The following CELF2 variants were observed in gnomAD, a reference collection of about 807,000 sequenced individuals.
CELF2 encodes CUGBP Elav-like family member 2.
CELF2 carries 8 observed loss-of-function variants against 62.6 expected under a neutral mutation model. That is an observed-to-expected ratio of 0.13 (90% CI 0.07 to 0.23). CELF2 has a LOEUF of 0.23. CELF2 is among the 10% of genes least tolerant of loss of function. The pLI, the probability that CELF2 is intolerant of heterozygous loss-of-function variation, is 1.00. For missense variants in CELF2, 333 were observed against 671.0 expected, an observed-to-expected ratio of 0.50 and a Z score of 5.56; for synonymous variants, 258 against 250.0, an observed-to-expected ratio of 1.03 and a Z score of -0.30.
intron 1 of CELF2, among the ~76,000 whole-genome samples, chr10:10,854,169 G>A (rs2059566253): frequency 6.6e-6 from 1 of 152,162 alleles, no homozygotes; most frequent in South Asian, 2.1e-4. Context: ...GGACACTCAT[G>A]AGGACTCTGT....
At chr10:10,800,550 A>C (rs2054558668) in intron 1 of CELF2, among the ~76,000 whole-genome samples, 1 of 152,094 alleles carries the variant, frequency 6.6e-6, no homozygotes, top group African/African-American at 2.4e-5. Flanking sequence ...ACAGAGTTTC[A>C]CCATGTTTCC....
chr10:11,252,293 C>G (rs976967792), intron 4 of CELF2, among the ~76,000 whole-genome samples: 5 of 152,220 alleles, frequency 3.3e-5, no homozygotes, highest in African/African-American at 1.2e-4. Flanking sequence ...CTCAGTTGCT[C>G]TAAATAGCTC....
Position 11,197,052 on chromosome 10 carries a change from A to AAAGAAAGAAAGAAAGAAG in CELF2, c.272-20373_272-20372insAAGAAAGAAAGAAAGAAG, listed in dbSNP as rs2058018344. 9.5e-5 allele frequency among the ~76,000 whole-genome samples: 3 copies of AAAGAAAGAAAGAAAGAAG among 31,620 alleles called. 1 individual carries two copies. The highest frequency in any genetic ancestry group is 5.3e-4 in the Admixed American group (2 of 3,750). The allele number at this position is 31,620 out of a possible 152,430, so 20.7% of individuals were successfully genotyped here. ...AAGAAAGAAAGAAAGAAAGAAAGAA[A>AAAGAAAGAAAGAAAGAAG]GAAAGAAAAGAAAGAAAGGAAAGAA... On this transcript the variant is annotated intron_variant, in intron 2 of 12. Transcript: ENST00000633077.
At chr10:10,766,761 A>G in the CELF2 span, among the ~76,000 whole-genome samples, 1 of 152,060 alleles carries the variant, frequency 6.6e-6, no homozygotes, top group Non-Finnish European at 1.5e-5. Context: ...ACAGAATGAG[A>G]CCCCTGCCCC....
intron 1 of CELF2, among the ~76,000 whole-genome samples, chr10:11,086,220 C>T (rs1462540197): frequency 6.6e-6 from 1 of 152,142 alleles, no homozygotes; most frequent in Non-Finnish European, 1.5e-5. Context: ...TATAGGGCAG[C>T]TCCACTGAGG....
At chr10:11,041,857 A>T (rs1029938725) in intron 1 of CELF2, among the ~76,000 whole-genome samples, 1 of 152,222 alleles carries the variant, frequency 6.6e-6, no homozygotes, top group African/African-American at 2.4e-5. Flanking sequence ...TATATATACG[A>T]AAGAATTGTC....
At chr10:10,593,820 C>T in the CELF2 span, among the ~76,000 whole-genome samples, 1 of 152,222 alleles carries the variant, frequency 6.6e-6, no homozygotes, top group Non-Finnish European at 1.5e-5. Flanking sequence ...ACATTCCACA[C>T]ATGAGACTTT....
the CELF2 span, among the ~76,000 whole-genome samples, chr10:10,702,949 A>T: frequency 1.3e-5 from 2 of 152,096 alleles, no homozygotes; most frequent in African/African-American, 4.8e-5. Flanking sequence ...TTCCCCCTAA[A>T]TAGCTACAAA....
At chr10:10,874,683 G>T (rs2133478843) in intron 1 of CELF2, among the ~76,000 whole-genome samples, 1 of 152,192 alleles carries the variant, frequency 6.6e-6, no homozygotes, top group Middle Eastern at 3.4e-3. Context: ...TTACCTAATG[G>T]GAAGTCGTGA....
chr10:10,956,213 C>G (rs2048877460), intron 2 of CELF2, among the ~76,000 whole-genome samples: 1 of 152,058 alleles, frequency 6.6e-6, no homozygotes, highest in East Asian at 1.9e-4. Flanking sequence ...TTTATTGCTG[C>G]CACAAAACTA....
At chr10:10,536,221 T>C in the CELF2 span, among the ~76,000 whole-genome samples, 1 of 152,130 alleles carries the variant, frequency 6.6e-6, no homozygotes, top group East Asian at 1.9e-4. Flanking sequence ...GGTTTCATCA[T>C]GTTGGTCAGG....
Position 11,149,568 on chromosome 10 carries a change from C to A in CELF2, c.75-15918C>A, listed in dbSNP as rs568065357. ...TTCCAGAAGCAGTGTACTAAGTAAA[C>A]CCGAGGCTTTGCGCCTTGTGAGGGT... On this transcript the variant is annotated intron_variant, in intron 1 of 12. Transcript: ENST00000633077. Among the ~76,000 whole-genome samples, 4 of 152,256 alleles carry A rather than the reference C, an allele frequency of 2.6e-5. No homozygotes were observed. In the East Asian group the frequency reaches 7.7e-4, roughly 29 times the overall value.
At chr10:10,908,441 C>T (rs767266948) in intron 1 of CELF2, among the ~76,000 whole-genome samples, 7 of 151,480 alleles carry the variant, frequency 4.6e-5, no homozygotes, top group African/African-American at 7.3e-5. Context: ...AGGATGGTCT[C>T]GATCTCCTGA....
the CELF2 span, among the ~76,000 whole-genome samples, chr10:10,502,214 A>G: frequency 7.4e-6 from 1 of 134,596 alleles, no homozygotes; most frequent in African/African-American, 2.6e-5. Context: ...ATTGATTTGC[A>G]GTTTTTTTCT....
At chr10:10,805,328 TAA>T (rs2055102397) in intron 1 of CELF2, among the ~76,000 whole-genome samples, 1 of 152,224 alleles carries the variant, frequency 6.6e-6, no homozygotes, top group Non-Finnish European at 1.5e-5. Context: ...TTTTTCTTGA[TAA>T]ATTGACAAGC....
chr10:11,045,734 C>T (rs1242506854), intron 1 of CELF2, among the ~76,000 whole-genome samples: 1 of 152,140 alleles, frequency 6.6e-6, no homozygotes, highest in Non-Finnish European at 1.5e-5. Flanking sequence ...CAGAGCTGTA[C>T]ATCATTCCAT....
In CELF2 at chr10:11,288,409, C is replaced by A. The variant is rs1466166212; in HGVS notation, c.842-9C>A. On this transcript the variant is annotated splice_polypyrimidine_tract_variant and intron_variant, in intron 8 of 12. Transcript: ENST00000633077. ...TGTTGCTGAAAGTAACTTTCTCTTCCCTCCACAGGCATGAATGCTTTACAG... is the reference window on the plus strand; with the variant it reads ...TGTTGCTGAAAGTAACTTTCTCTTCACTCCACAGGCATGAATGCTTTACAG... 1.9e-6 allele frequency: 3 copies of A among 1,613,320 alleles called. No homozygotes were observed. In the African/African-American group the frequency reaches 4.0e-5, roughly 22 times the overall value.
intron 5 of CELF2, 101 bp from the exon 6 acceptor site, chr10:11,266,497 T>C (rs2082222929): frequency 2.6e-6 from 2 of 774,688 alleles, no homozygotes. Flanking sequence ...CAGTGTCGTC[T>C]TGTGGCAGTT....
At chr10:10,515,332 A>ACAATGG in the CELF2 span, among the ~76,000 whole-genome samples, 1 of 42,350 alleles carries the variant, frequency 2.4e-5, no homozygotes, top group African/African-American at 1.8e-4. Context: ...TCATGTTCAT[A>ACAATGG]CATCTTCCCA....
Sources: gnomAD v4.1 joint callset for allele counts (sites outside exome capture counted in the v4.1 genomes callset) on GRCh38, gnomAD v4.1.1 for gene constraint, MANE v1.5 for transcripts, NCBI Gene and HGNC (gene_info 2026-07-23, HGNC 2026-07-21) for gene names.